RAB5A: variants seen among roughly 807,000 people sequenced by gnomAD.
RAB5A encodes RAB5A, member RAS oncogene family.
Under a neutral mutation model 25.7 loss-of-function variants are expected in RAB5A, and 8 were observed. The observed-to-expected ratio is 0.31, with a 90% CI of 0.18 to 0.56. The LOEUF is 0.56. Ranked by LOEUF, RAB5A falls within the 20% of genes least tolerant of loss-of-function variation. RAB5A has a pLI of 0.91. For synonymous variants in RAB5A, 98 were observed against 89.8 expected (o/e 1.09, Z -0.52); for missense variants, 192 against 259.7 (o/e 0.74, Z 1.79).
intron 1 of RAB5A, among the ~76,000 whole-genome samples, 187 bp from the exon 2 acceptor site, chr3:19,950,619 A>G (rs1575065827): frequency 6.6e-6 from 1 of 152,354 alleles, no homozygotes; most frequent in South Asian, 2.1e-4. Context: ...AGCCTTTAAA[A>G]AAAAAAGTAA....
chr3:19,952,080 G>A (rs1233937229), intron 2 of RAB5A, among the ~76,000 whole-genome samples: 1 of 152,124 alleles, frequency 6.6e-6, no homozygotes, highest in Non-Finnish European at 1.5e-5. Flanking sequence ...TGGACATGGT[G>A]GTGCATTCCT....
chr3:19,951,821 C>T (rs1311665117), intron 2 of RAB5A, among the ~76,000 whole-genome samples: 1 of 150,648 alleles, frequency 6.6e-6, no homozygotes, highest in Non-Finnish European at 1.5e-5. Flanking sequence ...ACAGGTGCTC[C>T]CTGCTGAGAT....
At chr3:19,956,410 C>T (rs1024521829) in intron 2 of RAB5A, among the ~76,000 whole-genome samples, 3 of 151,622 alleles carry the variant, frequency 2.0e-5, no homozygotes, top group East Asian at 2.0e-4. Flanking sequence ...GCCGAGATCG[C>T]GCCATTGCAC....
chr3:19,956,662 T>G (rs914547537), intron 2 of RAB5A, among the ~76,000 whole-genome samples: 2 of 152,190 alleles, frequency 1.3e-5, no homozygotes, highest in Non-Finnish European at 2.9e-5. Context: ...TACCTAACAA[T>G]TTATGGCCAA....
chr3:19,957,166 C>T (rs990461067), intron 2 of RAB5A, among the ~76,000 whole-genome samples: 6 of 149,622 alleles, frequency 4.0e-5, no homozygotes, highest in African/African-American at 1.5e-4. Context: ...TGGGCTACAG[C>T]AGTCCTCCCA....
intron 2 of RAB5A, among the ~76,000 whole-genome samples, chr3:19,956,739 T>A (rs186285536): frequency 2.0e-5 from 3 of 152,360 alleles, no homozygotes; most frequent in Admixed American, 2.0e-4. Flanking sequence ...TTTACCACAA[T>A]GCCTGGCACA....
At chr3:19,977,140 C>G (rs1450683466) in intron 4 of RAB5A, among the ~76,000 whole-genome samples, 1 of 147,242 alleles carries the variant, frequency 6.8e-6, no homozygotes, top group Non-Finnish European at 1.5e-5. Context: ...GGCGCAATCT[C>G]AAGCTCACTG....
chr3:19,984,799 G>T lies in RAB5A; in HGVS notation c.*976G>T, dbSNP rs1387012474. 6.5e-6 allele frequency: 1 copy of T among 153,044 alleles called. No individual in the cohort carries two copies. Among genetic ancestry groups the T allele is most frequent in the African/African-American group, 2.4e-5 (1 of 41,430 alleles). 9.5% of individuals were successfully genotyped at this position (153,044 alleles called of 1,614,324 possible). A position where few individuals can be genotyped will look rare whatever the true frequency, so the allele number is the denominator to read the frequency against. ...TGCTTAAAAGCATACAAAATGTACT[G>T]TTACTAAAACAGCTAATTATTTCTC... On this transcript the variant is annotated 3_prime_UTR_variant, in exon 6 of 6. Coordinates refer to ENST00000273047, the MANE Select transcript of RAB5A (RefSeq NM_004162.5).
At chr3:19,948,964 A>G (rs1696379710) in intron 1 of RAB5A, among the ~76,000 whole-genome samples, 1 of 152,230 alleles carries the variant, frequency 6.6e-6, no homozygotes, top group Non-Finnish European at 1.5e-5. Context: ...AAAGGAGCAC[A>G]TTATTGGCAA....
intron 4 of RAB5A, among the ~76,000 whole-genome samples, chr3:19,977,645 A>G (rs1264773018): frequency 1.3e-5 from 2 of 152,190 alleles, no homozygotes; most frequent in African/African-American, 2.4e-5. Context: ...CAGAGAAAAC[A>G]CTTAAATTAC....
At chr3:19,967,834 C>A (rs1446905487) in intron 2 of RAB5A, among the ~76,000 whole-genome samples, 1 of 152,182 alleles carries the variant, frequency 6.6e-6, no homozygotes, top group Non-Finnish European at 1.5e-5. Flanking sequence ...ACTACACTCA[C>A]GACTGTCGCT....
intron 2 of RAB5A, among the ~76,000 whole-genome samples, chr3:19,962,351 C>T (rs565150417): frequency 2.6e-5 from 4 of 152,244 alleles, no homozygotes; most frequent in African/African-American, 9.6e-5. Context: ...GGGCAGATCA[C>T]GAGGACAGGA....
At chr3:19,979,445 G>A (rs1005647826) in intron 5 of RAB5A, among the ~76,000 whole-genome samples, 1 of 150,388 alleles carries the variant, frequency 6.6e-6, no homozygotes, top group African/African-American at 2.5e-5. Context: ...CACCATGCCC[G>A]ACTAATTTTT....
At chr3:19,972,448 G>A (rs1252649812) in intron 2 of RAB5A, among the ~76,000 whole-genome samples, 1 of 152,176 alleles carries the variant, frequency 6.6e-6, no homozygotes. Context: ...ACAGATGTAG[G>A]AGATATTAAC....
intron 5 of RAB5A, among the ~76,000 whole-genome samples, chr3:19,980,774 G>C (rs1057175087): frequency 1.3e-5 from 2 of 152,112 alleles, no homozygotes; most frequent in Non-Finnish European, 2.9e-5. Flanking sequence ...CCATTATAAT[G>C]CTATTTATGC....
At chr3:19,976,868 G>C (rs189947857) in intron 4 of RAB5A, among the ~76,000 whole-genome samples, 1 of 152,158 alleles carries the variant, frequency 6.6e-6, no homozygotes, top group East Asian at 1.9e-4. Flanking sequence ...TTATGTGGTT[G>C]TTCTTAAAGG....
chr3:19,969,127 C>T (rs1414445847), intron 2 of RAB5A, among the ~76,000 whole-genome samples: 1 of 147,258 alleles, frequency 6.8e-6, no homozygotes, highest in Non-Finnish European at 1.5e-5. Flanking sequence ...TCACTGCAAC[C>T]TCCGCCTCCT....
chr3:19,981,613 CAAA>C (rs11307995), intron 5 of RAB5A, among the ~76,000 whole-genome samples: 2 of 138,938 alleles, frequency 1.4e-5, no homozygotes, highest in African/African-American at 2.6e-5. Context: ...GACTCCGCCT[CAAA>C]AAAAAAAAAA....
intron 2 of RAB5A, among the ~76,000 whole-genome samples, chr3:19,953,989 G>A (rs1176218285): frequency 2.6e-5 from 4 of 152,088 alleles, no homozygotes; most frequent in Non-Finnish European, 4.4e-5. Context: ...GAAAAATGAA[G>A]CCAACCAACT....
Sources: gnomAD v4.1 joint callset for allele counts (sites outside exome capture counted in the v4.1 genomes callset) on GRCh38, gnomAD v4.1.1 for gene constraint, MANE v1.5 for transcripts, NCBI Gene and HGNC (gene_info 2026-07-23, HGNC 2026-07-21) for gene names.